Variants in MAGOH observed in about 807,000 individuals in gnomAD.
MAGOH encodes protein mago nashi homolog.
A neutral mutation model predicts 20.9 loss-of-function variants in MAGOH; 3 were observed. The observed-to-expected ratio is 0.14, with a 90% CI of 0.07 to 0.37. The LOEUF (loss-of-function observed/expected upper bound fraction) is 0.37. Ranked by LOEUF, MAGOH falls within the 10% of genes least tolerant of loss-of-function variation. The pLI, the probability that MAGOH is intolerant of heterozygous loss-of-function variation, is 1.00. For missense variants in MAGOH, 66 were observed against 178.1 expected (o/e 0.37, Z 3.58); for synonymous variants, 51 against 61.0 (o/e 0.84, Z 0.76).
chr1:53,230,721 G>A lies in MAGOH; in HGVS notation c.259-1767C>T, dbSNP rs1222925635. Among the ~76,000 whole-genome samples, 6 of 152,200 alleles carry A rather than the reference G, an allele frequency of 3.9e-5. No homozygotes were observed. The East Asian group carries it at 1.2e-3, about 29-fold the overall frequency. ...ACAAAAGTGCTGGGAATGCAGGCAT[G>A]AGTCACTGCACCTGGCCTAGACGTG... is the stretch of plus-strand genomic sequence containing the variant. On this transcript the variant is annotated intron_variant, in intron 3 of 4. Transcript: ENST00000371470.
At chr1:53,230,071 G>A (rs553246900) in intron 3 of MAGOH, among the ~76,000 whole-genome samples, 1 of 152,282 alleles carries the variant, frequency 6.6e-6, no homozygotes, top group East Asian at 1.9e-4. Context: ...CCTTCAAAAA[G>A]TATCTATGTG....
At chr1:53,236,700 TACC>T (rs1645612036) in intron 1 of MAGOH, among the ~76,000 whole-genome samples, 1 of 152,212 alleles carries the variant, frequency 6.6e-6, no homozygotes, top group Non-Finnish European at 1.5e-5. Context: ...TGTTTCTTTT[TACC>T]ACAACACCTA....
chr1:53,237,884 G>T (rs1201269634), intron 1 of MAGOH, among the ~76,000 whole-genome samples: 1 of 151,816 alleles, frequency 6.6e-6, no homozygotes, highest in Admixed American at 6.6e-5. Flanking sequence ...GTGTAGAATG[G>T]TCTTCCTTAT....
At chr1:53,228,530 C>A (rs1460398616) in intron 4 of MAGOH, among the ~76,000 whole-genome samples, 2 of 152,184 alleles carry the variant, frequency 1.3e-5, no homozygotes, top group African/African-American at 4.8e-5. Context: ...CCAGTCTCAA[C>A]AGTCACACTG....
chr1:53,228,233 C>T (rs1645569940), intron 4 of MAGOH, among the ~76,000 whole-genome samples: 1 of 152,104 alleles, frequency 6.6e-6, no homozygotes, highest in South Asian at 2.1e-4. Flanking sequence ...AGTTCAAGAC[C>T]AGCCTGGCCA....
At chr1:53,233,386 G>T in intron 3 of MAGOH, 156 bp downstream of exon 3, 1 of 532,956 alleles carries the variant, frequency 1.9e-6, no homozygotes. Flanking sequence ...TTAGATTGTT[G>T]AAATAATTAT....
intron 2 of MAGOH, among the ~76,000 whole-genome samples, chr1:53,234,348 G>C (rs1645601163): frequency 6.6e-6 from 1 of 151,452 alleles, no homozygotes; most frequent in African/African-American, 2.4e-5. Flanking sequence ...AAAAGAGACT[G>C]CGACACCCAC....
chr1:53,232,132 A>T (rs1339606772), intron 3 of MAGOH, among the ~76,000 whole-genome samples: 1 of 152,200 alleles, frequency 6.6e-6, no homozygotes, highest in Non-Finnish European at 1.5e-5. Context: ...GTGGTAAAGC[A>T]AAATACATAT....
chr1:53,231,696 C>T (rs1361771215), intron 3 of MAGOH, among the ~76,000 whole-genome samples: 2 of 152,136 alleles, frequency 1.3e-5, no homozygotes, highest in Non-Finnish European at 2.9e-5. Context: ...CAATATCATA[C>T]TACAAATGAC....
rs1645562529 is a variant in MAGOH, at chr1:53,226,907, CTT to C, written c.*136_*137del. The C allele has an allele frequency of 3.3e-6, 2 of 602,562 alleles. No individual in the cohort carries two copies. The highest frequency in any genetic ancestry group is 4.3e-5 in the South Asian group (2 of 46,748). 37.3% of individuals were successfully genotyped at this position (602,562 alleles called of 1,614,324 possible). A position where few individuals can be genotyped will look rare whatever the true frequency, so the allele number is the denominator to read the frequency against. On this transcript the variant is annotated 3_prime_UTR_variant, in exon 5 of 5. Transcript: ENST00000371470. ...TTGAGAAGAGTTCACATGTTCAGGT[CTT>C]TATAAAATAATAAAAATTGGATTTT...
chr1:53,237,691 A>AAAAAAAAAAAAAAAAAAAC (rs1338747915), intron 1 of MAGOH, among the ~76,000 whole-genome samples: 1 of 150,800 alleles, frequency 6.6e-6, no homozygotes, highest in African/African-American at 2.4e-5. Context: ...AAAAAAAAAA[A>AAAAAAAAAAAAAAAAAAAC]AAGGCCTTCC....
At chr1:53,231,246 G>A (rs950232020) in intron 3 of MAGOH, among the ~76,000 whole-genome samples, 3 of 152,032 alleles carry the variant, frequency 2.0e-5, no homozygotes, top group Admixed American at 1.3e-4. Context: ...ATTCTGCCAC[G>A]GGACAGTCTT....
chr1:53,229,610 C>G (rs950807920), intron 3 of MAGOH, among the ~76,000 whole-genome samples: 7 of 152,060 alleles, frequency 4.6e-5, no homozygotes, highest in Admixed American at 4.6e-4. Flanking sequence ...ATGAATACAC[C>G]TATGTTTTAA....
Position 53,232,142 on chromosome 1 carries a change from T to C in MAGOH, c.258+1400A>G, listed in dbSNP as rs765860324. On this transcript the variant is annotated intron_variant, in intron 3 of 4. Transcript: ENST00000371470. ...TATAAGTGGTAAAGCAAAATACATATATATGATATTACTGAGCTCCCTTGA... is the reference window on the plus strand; with the variant it reads ...TATAAGTGGTAAAGCAAAATACATACATATGATATTACTGAGCTCCCTTGA... 3.9e-5 allele frequency among the ~76,000 whole-genome samples: 6 copies of C among 152,288 alleles called. No individual in the cohort carries two copies. The Middle Eastern group carries it at 0.01, about 259-fold the overall frequency.
chr1:53,236,328 C>A (rs1354651288), intron 1 of MAGOH, among the ~76,000 whole-genome samples: 1 of 152,234 alleles, frequency 6.6e-6, no homozygotes, highest in African/African-American at 2.4e-5. Flanking sequence ...GGTAACAGAT[C>A]TATCAGATTA....
chr1:53,229,196 GGTT>G (rs1363777817), intron 3 of MAGOH, among the ~76,000 whole-genome samples: 1 of 151,138 alleles, frequency 6.6e-6, no homozygotes, highest in Non-Finnish European at 1.5e-5. Context: ...AATCTATGTA[GGTT>G]TTTTTTTTTT....
intron 2 of MAGOH, among the ~76,000 whole-genome samples, chr1:53,234,737 G>A (rs977586334): frequency 1.3e-5 from 2 of 152,000 alleles, no homozygotes; most frequent in Admixed American, 1.3e-4. Context: ...ATATGCCTGT[G>A]TAAAAAAATA....
At chr1:53,227,171 G>C in intron 4 of MAGOH, 27 bp from the exon 5 acceptor site, 6 of 1,404,280 alleles carry the variant, frequency 4.3e-6, no homozygotes, top group Non-Finnish European at 5.9e-6. Context: ...AAAAAGTTTA[G>C]GCATTAAAAC....
At chr1:53,235,197 C>T (rs1645605384) in intron 2 of MAGOH, among the ~76,000 whole-genome samples, 1 of 152,144 alleles carries the variant, frequency 6.6e-6, no homozygotes, top group Admixed American at 6.5e-5. Context: ...ATATAGAGCA[C>T]TTTAAATAGA....
Sources: gnomAD v4.1 joint callset for allele counts (sites outside exome capture counted in the v4.1 genomes callset) on GRCh38, gnomAD v4.1.1 for gene constraint, MANE v1.5 for transcripts, NCBI Gene and HGNC (gene_info 2026-07-23, HGNC 2026-07-21) for gene names.